Variants in ATAD3B observed in about 807,000 individuals in gnomAD.
The protein encoded by ATAD3B is ATPase family AAA domain-containing protein 3B.
A neutral mutation model predicts 70.2 loss-of-function variants in ATAD3B; 59 were observed. The observed-to-expected ratio is 0.84, with a 90% confidence interval of 0.68 to 1.04. The LOEUF (loss-of-function observed/expected upper bound fraction) is 1.04. Ranked by LOEUF, ATAD3B falls within the 50% of genes least tolerant of loss-of-function variation. The pLI is 0.00. For missense variants in ATAD3B, 961 were observed against 913.4 expected (o/e 1.05, Z -0.67); for synonymous variants, 423 against 388.6 (o/e 1.09, Z -1.04).
At position 1,489,216 on chromosome 1, in the gene ATAD3B, A is replaced by C; in HGVS notation, c.1279A>C (p.Lys427Gln). The C allele has an allele frequency of 1.2e-6, 2 of 1,613,548 alleles. No individual in the cohort carries two copies. The highest frequency in any genetic ancestry group is 1.7e-6 in the Non-Finnish European group (2 of 1,179,630). Residue 427 changes from lysine to glutamine, a missense_variant, in exon 13 of 16, where the codon AAG becomes CAG. Physicochemically the swap from Lys to Gln is moderately conservative, Grantham distance 53. Around this residue, in one of 4 missense-constraint regions of ATAD3B, gnomAD observed 417 missense variants for 335.0 expected, o/e 1.24. Transcript: ENST00000673477. Reference sequence around the variant, plus strand: ...CTTCTCTCTGCAGGAGGAGATAAGCAAGGACCTCAGAGCCACACTGAACGC... The same window carrying C: ...CTTCTCTCTGCAGGAGGAGATAAGCCAGGACCTCAGAGCCACACTGAACGC... Reference protein sequence around the residue: ...LRKRATEEISKDLRATLNAFL... With the variant: ...LRKRATEEISQDLRATLNAFL...
chr1:1,488,859 T>C (rs1258554151), intron 12 of ATAD3B, among the ~76,000 whole-genome samples: 1 of 151,782 alleles, frequency 6.6e-6, no homozygotes, highest in East Asian at 1.9e-4. Context: ...TATTTTTTAT[T>C]TTTTAGCAAT....
intron 1 of ATAD3B, among the ~76,000 whole-genome samples, chr1:1,474,004 C>T (rs2100515160): frequency 6.6e-6 from 1 of 151,916 alleles, no homozygotes; most frequent in South Asian, 2.1e-4. Context: ...AGGTTTGGGC[C>T]CAGGCCCAGG....
chr1:1,476,330 T>C (rs1570192348), intron 1 of ATAD3B, among the ~76,000 whole-genome samples: 1 of 148,610 alleles, frequency 6.7e-6, no homozygotes, highest in Non-Finnish European at 1.5e-5. Context: ...GTCAGTCACC[T>C]CCAAAAATTA....
Position 1,486,644 on chromosome 1 carries a change from A to G in ATAD3B, c.1190A>G (p.Asp397Gly). The change falls in exon 11 of 16, where the codon GAC becomes GGC. Residue 397 changes from aspartate (D) to glycine (G), a missense_variant. Physicochemically the swap from Asp to Gly is moderately conservative, Grantham distance 94 (BLOSUM62 -1). Coordinates refer to ENST00000673477, the MANE Select transcript of ATAD3B (RefSeq NM_031921.6). ...EGVTAMHKLF[D>G]WANTSRRGLL... is the part of the protein sequence containing the mutation. ...GTGACCGCCATGCACAAGCTCTTTGACTGGGCCAATACCAGCCGGCGCGGG... is the reference window on the plus strand; with the variant it reads ...GTGACCGCCATGCACAAGCTCTTTGGCTGGGCCAATACCAGCCGGCGCGGG... 1.2e-6 allele frequency: 2 copies of G among 1,609,112 alleles called. No homozygotes were observed. The highest frequency in any genetic ancestry group is 2.2e-5 in the South Asian group (2 of 90,882).
intron 1 of ATAD3B, among the ~76,000 whole-genome samples, chr1:1,475,089 C>CT (rs1407860510): frequency 6.7e-6 from 1 of 148,548 alleles, no homozygotes; most frequent in Non-Finnish European, 1.5e-5. Flanking sequence ...ACCTGTGCCT[C>CT]TGAGTTGCTC....
chr1:1,482,511 G>T, intron 6 of ATAD3B, 34 bp from the exon 7 acceptor site: 2 of 1,613,302 alleles, frequency 1.2e-6, no homozygotes, highest in Non-Finnish European at 1.7e-6. Context: ...GGATCTTCGT[G>T]TCCTTCCTGG....
At chr1:1,482,368 A>G in intron 6 of ATAD3B, 65 bp downstream of exon 6, 1 of 1,564,194 alleles carries the variant, frequency 6.4e-7, no homozygotes, top group East Asian at 2.3e-5. Context: ...CGCTGGTCCC[A>G]GGGCGCTCTC....
intron 13 of ATAD3B, chr1:1,489,722 T>C: frequency 7.6e-7 from 1 of 1,310,900 alleles, no homozygotes; most frequent in Non-Finnish European, 1.0e-6. Context: ...GAGGATCAAG[T>C]CCTGCTGGTC....
chr1:1,482,537 C>A lies in ATAD3B; in HGVS notation c.681-8C>A. The A allele has an allele frequency of 6.2e-7, 1 of 1,613,402 alleles. No individual in the cohort carries two copies. On this transcript the variant is annotated splice_region_variant and splice_polypyrimidine_tract_variant and intron_variant, in intron 6 of 15. Transcript: ENST00000673477. The stretch of plus-strand genomic sequence containing the variant: ...TCCTTCCTGGTCACACCACTGCTTT[C>A]CCCGCAGGACGGCTGGCACCTTGTT...
intron 13 of ATAD3B, 162 bp downstream of exon 13, chr1:1,489,436 G>A (rs1640409696): frequency 3.1e-6 from 4 of 1,308,466 alleles, no homozygotes; most frequent in Admixed American, 4.9e-5. Flanking sequence ...GGACAGCACG[G>A]GGTGTCATTG....
intron 15 of ATAD3B, among the ~76,000 whole-genome samples, chr1:1,495,019 G>A (rs544751798): frequency 1.1e-4 from 17 of 152,184 alleles, no homozygotes; most frequent in Non-Finnish European, 2.1e-4. Context: ...TGCCCAGGAG[G>A]ACAGGGAAAT....
intron 1 of ATAD3B, among the ~76,000 whole-genome samples, chr1:1,475,933 A>G (rs1318065114): frequency 6.7e-6 from 1 of 150,050 alleles, no homozygotes; most frequent in Non-Finnish European, 1.5e-5. Flanking sequence ...TCGGGAGGAA[A>G]CAGGCAGAGC....
rs545726847 is a variant in ATAD3B at position 1,475,482 on chromosome 1, G to A, written c.206-1792G>A. On this transcript the variant is annotated intron_variant, in intron 1 of 15. Coordinates refer to ENST00000673477, the MANE Select transcript of ATAD3B (RefSeq NM_031921.6). ...GTCGCCGAGATTCGCCCGTTGCTTT[G>A]TCCTTGCTGCTCTCCAGGCAAACGG... Among the ~76,000 whole-genome samples the A allele has an allele frequency of 2.1e-3, 314 of 151,850 alleles. 2 individuals carry two copies. Among genetic ancestry groups the A allele is most frequent in the African/African-American group, 7.2e-3 (297 of 41,462 alleles).
chr1:1,494,907 C>A (rs1640705956), intron 15 of ATAD3B, among the ~76,000 whole-genome samples: 1 of 152,040 alleles, frequency 6.6e-6, no homozygotes, highest in African/African-American at 2.4e-5. Flanking sequence ...GGAGAGCGAC[C>A]TGTCCGTGGC....
At chr1:1,490,018 G>A in intron 13 of ATAD3B, 1 of 1,372,096 alleles carries the variant, frequency 7.3e-7, no homozygotes, top group Non-Finnish European at 9.4e-7. Flanking sequence ...CAGCGGGGAA[G>A]TACCACACAG....
intron 15 of ATAD3B, among the ~76,000 whole-genome samples, chr1:1,491,208 G>C (rs1268750720): frequency 2.6e-5 from 4 of 152,082 alleles, no homozygotes; most frequent in Admixed American, 2.6e-4. Context: ...CCGAGGAGCC[G>C]AGACTCACTG....
the ATAD3B span, chr1:1,509,350 G>T: frequency 6.2e-7 from 1 of 1,610,666 alleles, no homozygotes; most frequent in African/African-American, 1.4e-5. Flanking sequence ...CCCTCATCCT[G>T]AGTCCATGGG....
At chr1:1,494,832 C>T (rs550413349) in intron 15 of ATAD3B, among the ~76,000 whole-genome samples, 45 of 152,158 alleles carry the variant, frequency 3.0e-4, no homozygotes, top group Non-Finnish European at 7.4e-5. Flanking sequence ...GGGGTCCCCA[C>T]ACCCTCACCC....
At chr1:1,479,245 C>G in intron 4 of ATAD3B, 137 bp downstream of exon 4, 1 of 1,049,370 alleles carries the variant, frequency 9.5e-7, no homozygotes, top group Non-Finnish European at 1.4e-6. Flanking sequence ...GGGGAAACTA[C>G]TCGGACAGAC....
Sources: allele counts gnomAD v4.1 joint callset (sites outside exome capture counted in the v4.1 genomes callset), GRCh38; gene constraint gnomAD v4.1.1; regional missense constraint gnomAD v4.1.1; transcripts MANE v1.5; gene names NCBI Gene and HGNC (gene_info 2026-07-23, HGNC 2026-07-21).